Variants in HECW2 observed in about 807,000 individuals in gnomAD.
HECW2 encodes the protein HECT, C2 and WW domain containing E3 ubiquitin protein ligase 2.
HECW2 carries 61 observed loss-of-function variants against 175.2 expected under a neutral mutation model. That is an observed-to-expected ratio of 0.35 (90% confidence interval 0.28 to 0.43). The LOEUF (loss-of-function observed/expected upper bound fraction) is 0.43. Among genes scored for constraint, HECW2 ranks in the 20% least tolerant of loss-of-function variants. The probability of loss-of-function intolerance (pLI) is 1.00; values close to 1 mark genes in which losing one functional copy is unlikely to be tolerated. For synonymous variants in HECW2, 671 were observed against 731.0 expected (o/e 0.92, Z 1.32); for missense variants, 1,524 against 2,000.5 (o/e 0.76, Z 4.54).
At chr2:196,550,918 T>C (rs971732719) in intron 1 of HECW2, among the ~76,000 whole-genome samples, 8 of 152,320 alleles carry the variant, frequency 5.3e-5, no homozygotes, top group African/African-American at 1.9e-4. Flanking sequence ...GGAAGAACTT[T>C]AGTTACAACC....
chr2:196,563,777 G>A (rs1161211045), intron 1 of HECW2, among the ~76,000 whole-genome samples: 3 of 152,098 alleles, frequency 2.0e-5, no homozygotes, highest in Non-Finnish European at 2.9e-5. Flanking sequence ...CATATTAAGG[G>A]GGAGTGGAAG....
intron 21 of HECW2, among the ~76,000 whole-genome samples, chr2:196,233,139 G>A (rs1411975030): frequency 6.6e-6 from 1 of 152,140 alleles, no homozygotes; most frequent in Admixed American, 6.5e-5. Context: ...ATATCACAGG[G>A]ATTGTCTGTT....
At chr2:196,507,804 T>C (rs1687819273) in intron 1 of HECW2, among the ~76,000 whole-genome samples, 1 of 152,226 alleles carries the variant, frequency 6.6e-6, no homozygotes, top group Admixed American at 6.5e-5. Flanking sequence ...TCTACGGGTG[T>C]GTTCCTCCCC....
rs1002800122 is a variant in HECW2 at position 196,379,593 on chromosome 2, G to C, written c.293-35829C>G. Among the ~76,000 whole-genome samples the C allele has an allele frequency of 3.8e-4, 57 of 151,380 alleles. 1 individual carries two copies. The highest frequency in any genetic ancestry group is 1.4e-3 in the African/African-American group (56 of 40,842). On this transcript the variant is annotated intron_variant, in intron 2 of 28. Coordinates refer to ENST00000644978, the MANE Select transcript of HECW2 (RefSeq NM_001348768.2). The stretch of plus-strand genomic sequence containing the variant: ...CCAGCTACTCAGGAGGCTGAGGCAG[G>C]AGGATGGCATGAACCCGGGAGGCAG...
chr2:196,556,228 G>A (rs932023746), intron 1 of HECW2, among the ~76,000 whole-genome samples: 2 of 152,070 alleles, frequency 1.3e-5, no homozygotes, highest in Non-Finnish European at 2.9e-5. Context: ...ATATATGTAT[G>A]CATTATGAAA....
intron 2 of HECW2, among the ~76,000 whole-genome samples, chr2:196,421,445 A>T (rs1695405176): frequency 6.6e-6 from 1 of 152,192 alleles, no homozygotes; most frequent in African/African-American, 2.4e-5. Flanking sequence ...GACAAAACAG[A>T]CTTTAAGAAA....
chr2:196,211,611 C>T (rs115934459), intron 28 of HECW2, among the ~76,000 whole-genome samples: 2,813 of 152,274 alleles, frequency 0.018, 71 homozygotes, highest in African/African-American at 0.065. Context: ...CTGTGAGCAG[C>T]GCTATCCACT....
chr2:196,410,781 C>G (rs1695088123), intron 2 of HECW2, among the ~76,000 whole-genome samples: 1 of 152,158 alleles, frequency 6.6e-6, no homozygotes, highest in East Asian at 1.9e-4. Flanking sequence ...TTATTCAACA[C>G]ATTTTTATTG....
At chr2:196,269,496 CAAAAAAAAAAAAAAA>C (rs66656524) in intron 17 of HECW2, 1 of 51,286 alleles carries the variant, frequency 1.9e-5, no homozygotes, top group African/African-American at 8.9e-5. Flanking sequence ...CCCCTACCTC[CAAAAAAAAAAAAAAA>C]AAAAAAAAAA....
chr2:196,504,520 CCTCT>C (rs953908164), intron 1 of HECW2, among the ~76,000 whole-genome samples: 11 of 152,052 alleles, frequency 7.2e-5, no homozygotes, highest in South Asian at 2.1e-4. Context: ...AACTCTCCTT[CCTCT>C]CTCTCTATCT....
At chr2:196,299,686 T>C (rs1487558930) in intron 13 of HECW2, among the ~76,000 whole-genome samples, 1 of 152,168 alleles carries the variant, frequency 6.6e-6, no homozygotes, top group Non-Finnish European at 1.5e-5. Flanking sequence ...TCCCAGCACT[T>C]TGGGAGGCCG....
intron 1 of HECW2, among the ~76,000 whole-genome samples, chr2:196,521,304 A>AAAAAAAAAAAAAAAAAAAAAC (rs1553531650): frequency 6.7e-6 from 1 of 148,172 alleles, no homozygotes; most frequent in Non-Finnish European, 1.5e-5. Context: ...AAAAAAAAAA[A>AAAAAAAAAAAAAAAAAAAAAC]AAAGAAAGAA....
intron 1 of HECW2, among the ~76,000 whole-genome samples, chr2:196,451,588 C>A (rs955949968): frequency 6.6e-5 from 10 of 152,072 alleles, no homozygotes; most frequent in African/African-American, 2.4e-4. Context: ...CATTCCCCAT[C>A]CATAAGATAA....
intron 14 of HECW2, among the ~76,000 whole-genome samples, chr2:196,285,990 A>G (rs1227103698): frequency 6.6e-6 from 1 of 152,182 alleles, no homozygotes; most frequent in Admixed American, 6.5e-5. Context: ...TTGATGTAAA[A>G]TGTTAGCTAA....
intron 28 of HECW2, among the ~76,000 whole-genome samples, chr2:196,211,813 A>G (rs564878593): frequency 3.3e-5 from 5 of 152,178 alleles, no homozygotes; most frequent in African/African-American, 4.8e-5. Flanking sequence ...CCCATGCCCG[A>G]CACAAGACCA....
At position 196,195,784 on chromosome 2, in the gene HECW2, C is replaced by T. The variant is rs1281786468; in HGVS notation, c.*5493G>A. 1 of 152,154 alleles carries T rather than the reference C, an allele frequency of 6.6e-6. No individual in the cohort carries two copies. The highest frequency in any genetic ancestry group is 2.4e-5 in the African/African-American group (1 of 41,428). 9.4% of individuals were successfully genotyped at this position (152,154 alleles called of 1,614,324 possible). A position where few individuals can be genotyped will look rare whatever the true frequency, so the allele number is the denominator to read the frequency against. ...AACAATAATTCTTAAATAAAAAAAT[C>T]CACAACATAATTTTATGCTAAATTG... On this transcript the variant is annotated 3_prime_UTR_variant, in exon 29 of 29. Transcript: ENST00000644978.
In HECW2 at chr2:196,283,397, A is replaced by G. The variant is rs932172166; in HGVS notation, c.3001-4735T>C. 3.8e-5 allele frequency among the ~76,000 whole-genome samples: 5 copies of G among 131,158 alleles called. No individual in the cohort carries two copies. The Admixed American group carries it at 3.9e-4, about 10-fold the overall frequency. 86.0% of individuals were successfully genotyped at this position (131,158 alleles called of 152,430 possible). On this transcript the variant is annotated intron_variant, in intron 14 of 28. Coordinates refer to ENST00000644978, the MANE Select transcript of HECW2 (RefSeq NM_001348768.2). ...ATACACTTTTTTTTTTTTTTTTGAG[A>G]TGGAGTCTTGCTCTGTTGCCCAGGC...
chr2:196,329,450 T>C, intron 5 of HECW2, 125 bp downstream of exon 5: 1 of 626,466 alleles, frequency 1.6e-6, no homozygotes, highest in East Asian at 2.8e-5. Flanking sequence ...TTCAGAAGTA[T>C]GACCCCCCAA....
At chr2:196,238,115 G>C (rs1489865124) in intron 21 of HECW2, among the ~76,000 whole-genome samples, 4 of 152,208 alleles carry the variant, frequency 2.6e-5, no homozygotes, top group Admixed American at 2.0e-4. Flanking sequence ...TGTAGTTCCA[G>C]CTACTCAGGA....
Sources: allele counts gnomAD v4.1 joint callset (sites outside exome capture counted in the v4.1 genomes callset), GRCh38; gene constraint gnomAD v4.1.1; transcripts MANE v1.5; gene names NCBI Gene and HGNC (gene_info 2026-07-23, HGNC 2026-07-21).